Variants in GON7 observed in about 807,000 individuals in gnomAD.
GON7 encodes the protein EKC/KEOPS complex subunit GON7.
GON7 carries 2 observed loss-of-function variants against 7.6 expected under a neutral mutation model. The observed-to-expected ratio is 0.26, with a 90% CI of 0.11 to 0.83. The LOEUF (loss-of-function observed/expected upper bound fraction) is 0.83. Ranked by LOEUF, GON7 falls within the 40% of genes least tolerant of loss-of-function variation. The pLI is 0.65. For missense variants in GON7, 121 were observed against 132.2 expected (o/e 0.92, Z 0.42); for synonymous variants, 54 against 56.6 (o/e 0.95, Z 0.20).
rs1442205304 is a variant in GON7 at position 93,203,193 on chromosome 14, T to A, written c.*495A>T. ...GTTTCCTTGGGTCTCTTTCAAGGAC[T>A]CTCCTTTCTCGTCGGTATTTCTATT... On this transcript the variant is annotated 3_prime_UTR_variant, in exon 2 of 2. Coordinates refer to ENST00000306954, the MANE Select transcript of GON7 (RefSeq NM_032490.5). The A allele has an allele frequency of 6.5e-6, 1 of 153,242 alleles. No homozygotes were observed. The highest frequency in any genetic ancestry group is 2.4e-5 in the African/African-American group (1 of 41,472). 9.5% of individuals were successfully genotyped at this position (153,242 alleles called of 1,614,324 possible).
At chr14:93,205,240 G>T (rs1187252008) in intron 1 of GON7, among the ~76,000 whole-genome samples, 1 of 152,148 alleles carries the variant, frequency 6.6e-6, no homozygotes, top group East Asian at 1.9e-4. Flanking sequence ...TGTTCTTTTT[G>T]ATTATAGCCA....
intron 1 of GON7, among the ~76,000 whole-genome samples, chr14:93,204,840 A>G (rs1894311033): frequency 6.6e-6 from 1 of 152,030 alleles, no homozygotes; most frequent in Non-Finnish European, 1.5e-5. Context: ...TAAAATTATC[A>G]TTTTTAGAGA....
intron 1 of GON7, among the ~76,000 whole-genome samples, chr14:93,204,153 G>A (rs776311863): frequency 2.6e-5 from 4 of 151,980 alleles, no homozygotes; most frequent in Non-Finnish European, 5.9e-5. Context: ...GCGCTACCAC[G>A]CCCGGCTAAT....
intron 1 of GON7, among the ~76,000 whole-genome samples, chr14:93,205,666 C>CA (rs749347487): frequency 0.014 from 1,757 of 124,294 alleles, 31 homozygotes; most frequent in African/African-American, 0.044. Flanking sequence ...GACTCCATCT[C>CA]AAAAAAAAAA....
At chr14:93,205,451 C>A (rs1345325911) in intron 1 of GON7, among the ~76,000 whole-genome samples, 1 of 152,056 alleles carries the variant, frequency 6.6e-6, no homozygotes, top group Non-Finnish European at 1.5e-5. Flanking sequence ...GGGTGGATCA[C>A]GAGGTCAGGA....
rs111557101 is a variant in GON7 at position 93,206,401 on chromosome 14, G to A, written c.208+429C>T. On this transcript the variant is annotated intron_variant, in intron 1 of 1. Transcript: ENST00000306954. ...TCGCATTCACCTCATTCTTCCTCCA[G>A]GGCTCAGCTCAGGGTTTGGCACATA... Among the ~76,000 whole-genome samples, 126 of 152,120 alleles carry A rather than the reference G, an allele frequency of 8.3e-4. 1 individual carries two copies. The highest frequency in any genetic ancestry group is 2.9e-3 in the African/African-American group (122 of 41,502).
In GON7 at chr14:93,203,695, G is replaced by A. The variant is rs766704950; in HGVS notation, c.296C>T (p.Pro99Leu). 11 of 1,613,494 alleles carry A rather than the reference G, an allele frequency of 6.8e-6. No homozygotes were observed. The highest frequency in any genetic ancestry group is 8.5e-6 in the Non-Finnish European group (10 of 1,179,514). The change falls in exon 2 of 2, where the codon CCG (proline) becomes CTG (leucine). Residue 99 changes from proline to leucine, a missense_variant. Physicochemically the swap from Pro to Leu is moderately conservative, Grantham distance 98. Transcript: ENST00000306954. Reference protein sequence around the residue: ...DGPSAKRPKTPS With the variant: ...DGPSAKRPKTLS ...ATGTCATGAAGGCTATTGTTAAGAC[G>A]GTGTTTTTGGCCGTTTTGCAGATGG...
rs1476726204 is a variant in GON7 at position 93,206,967 on chromosome 14, G to A, written c.71C>T (p.Pro24Leu). 1.2e-6 allele frequency: 2 copies of A among 1,614,078 alleles called. No homozygotes were observed. The highest frequency in any genetic ancestry group is 2.2e-5 in the South Asian group (2 of 91,090). Residue 24 changes from proline to leucine, a missense_variant, in exon 1 of 2, where the codon CCG becomes CTG. Pro to Leu is a moderately conservative substitution (Grantham distance 98). Coordinates refer to ENST00000306954, the MANE Select transcript of GON7 (RefSeq NM_032490.5). ...PQKLRVSCEA[P>L]GDGDPFQGLL... ...GCCCTGGAAAGGGTCGCCGTCACCC[G>A]GCGCCTCACAGGACACCCGCAGCTT...
At chr14:93,206,051 G>C (rs971368224) in intron 1 of GON7, among the ~76,000 whole-genome samples, 3 of 151,696 alleles carry the variant, frequency 2.0e-5, no homozygotes, top group Non-Finnish European at 4.4e-5. Flanking sequence ...TGTCGCCCAC[G>C]ATAGAGTGCA....
At chr14:93,203,883 T>A (rs1894294980) in intron 1 of GON7, 101 bp from the exon 2 acceptor site, 1 of 710,184 alleles carries the variant, frequency 1.4e-6, no homozygotes, top group Non-Finnish European at 2.3e-6. Context: ...CTTTAGGGAT[T>A]AATAAAACCT....
Position 93,203,731 on chromosome 14 carries a change from T to G in GON7, c.260A>C (p.Asn87Thr). The stretch of plus-strand genomic sequence containing the variant: ...CCGTTTTGCAGATGGTCCATCGAAG[T>G]TAGTTCTGTTATCAATGTTATTTTC... ...EDENNIDNRT[N>T]FDGPSAKRPK... The change falls in exon 2 of 2, where the codon AAC (asparagine) becomes ACC (threonine). Residue 87 changes from asparagine (N) to threonine (T), a missense_variant. Physicochemically the swap from Asn to Thr is moderately conservative, Grantham distance 65. Coordinates refer to ENST00000306954, the MANE Select transcript of GON7 (RefSeq NM_032490.5). 3 of 1,614,072 alleles carry G rather than the reference T, an allele frequency of 1.9e-6. No homozygotes were observed. The highest frequency in any genetic ancestry group is 2.5e-6 in the Non-Finnish European group (3 of 1,179,988).
intron 1 of GON7, among the ~76,000 whole-genome samples, chr14:93,205,882 A>C (rs1291852659): frequency 6.6e-6 from 1 of 152,220 alleles, no homozygotes; most frequent in Non-Finnish European, 1.5e-5. Flanking sequence ...GTATGTCTGT[A>C]GTTTCACACC....
chr14:93,203,913 GATTT>G, intron 1 of GON7, 131 bp from the exon 2 acceptor site: 2 of 584,740 alleles, frequency 3.4e-6, no homozygotes, highest in South Asian at 2.9e-5. Context: ...AGATTAAAAT[GATTT>G]TGAGAATTTC....
chr14:93,206,182 T>C (rs922693478), intron 1 of GON7, among the ~76,000 whole-genome samples: 1 of 152,162 alleles, frequency 6.6e-6, no homozygotes, highest in Non-Finnish European at 1.5e-5. Context: ...AGCTAATTTT[T>C]GTATTTTTAG....
At chr14:93,206,246 T>G (rs907552286) in intron 1 of GON7, among the ~76,000 whole-genome samples, 2 of 152,098 alleles carry the variant, frequency 1.3e-5, no homozygotes, top group Non-Finnish European at 2.9e-5. Flanking sequence ...CCTGACCTCG[T>G]GATCTGCCTG....
intron 1 of GON7, 85 bp from the exon 2 acceptor site, chr14:93,203,867 A>T (rs958859743): frequency 1.1e-6 from 1 of 918,838 alleles, no homozygotes; most frequent in African/African-American, 1.6e-5. Context: ...TAATGAGACC[A>T]TTTCACTTTA....
intron 1 of GON7, among the ~76,000 whole-genome samples, chr14:93,204,566 G>A (rs1484135130): frequency 2.6e-5 from 4 of 152,102 alleles, no homozygotes; most frequent in Non-Finnish European, 5.9e-5. Context: ...GGGACTACAG[G>A]TGCCCACCAC....
At chr14:93,204,402 C>T (rs1055177575) in intron 1 of GON7, among the ~76,000 whole-genome samples, 1 of 152,136 alleles carries the variant, frequency 6.6e-6, no homozygotes, top group Non-Finnish European at 1.5e-5. Context: ...AAATGATATG[C>T]CCATTAGCAG....
intron 1 of GON7, 74 bp downstream of exon 1, chr14:93,206,756 C>G (rs1566818358): frequency 7.0e-7 from 1 of 1,434,676 alleles, no homozygotes; most frequent in East Asian, 2.5e-5. Flanking sequence ...CCACTCTACA[C>G]GGGCTCCCCA....
Sources: gnomAD v4.1 joint callset for allele counts (sites outside exome capture counted in the v4.1 genomes callset) on GRCh38, gnomAD v4.1.1 for gene constraint, MANE v1.5 for transcripts, NCBI Gene and HGNC (gene_info 2026-07-23, HGNC 2026-07-21) for gene names.